PITPNM2: variants seen among roughly 807,000 people sequenced by gnomAD.
The protein encoded by PITPNM2 is membrane-associated phosphatidylinositol transfer protein 2.
PITPNM2 carries 35 observed loss-of-function variants against 132.2 expected under a neutral mutation model. The ratio of observed to expected loss-of-function variants is 0.26; its 90% CI spans 0.20 to 0.35. The LOEUF is 0.35. Ranked by LOEUF, PITPNM2 falls within the 10% of genes least tolerant of loss-of-function variation. The pLI is 1.00. For synonymous variants in PITPNM2, 738 were observed against 799.2 expected (o/e 0.92, Z 1.29); for missense variants, 1,332 against 1,912.0 (o/e 0.70, Z 5.66).
chr12:122,987,354 C>T lies in PITPNM2; in HGVS notation c.3340G>A (p.Gly1114Ser). 1.2e-6 allele frequency: 2 copies of T among 1,613,118 alleles called. No individual in the cohort carries two copies. The highest frequency in any genetic ancestry group is 8.5e-7 in the Non-Finnish European group (1 of 1,180,030). ...GTEFVVFSID[G>S]SFAASVSIMG... is the part of the protein sequence containing the mutation. ...ATGGACACGCTAGCGGCAAAGGAAC[C>T]GTCGATGCTGAAGACCACGAACTCT... is the stretch of plus-strand genomic sequence containing the variant. Residue 1114 changes from glycine (G) to serine (S), a missense_variant, in exon 23 of 26, where the codon GGT (glycine) becomes AGT (serine). Coordinates refer to ENST00000320201, the MANE Select transcript of PITPNM2 (RefSeq NM_020845.3).
At chr12:123,129,404 TA>T (rs1410177586) in intron 1 of PITPNM2, among the ~76,000 whole-genome samples, 2 of 151,698 alleles carry the variant, frequency 1.3e-5, no homozygotes, top group African/African-American at 2.4e-5. Context: ...CCATCTCTAC[TA>T]AAAATACAAA....
Position 122,988,806 on chromosome 12 carries a change from G to A in PITPNM2, c.2798C>T (p.Ala933Val). The change falls in exon 19 of 26, where the codon GCC (alanine) becomes GTC (valine). Residue 933 changes from alanine (A) to valine (V), a missense_variant. By Grantham distance (64) the Ala-to-Val change is moderately conservative. Coordinates refer to ENST00000320201, the MANE Select transcript of PITPNM2 (RefSeq NM_020845.3). ...GTGAGGCAGAGCCACCGTGGGGAAG[G>A]CCGTGAGGGCGTCAGGGCAGTACAG... ...YALYCPDALTAFPTVALPHLF... is the reference protein window; with the variant it reads ...YALYCPDALTVFPTVALPHLF... 1 of 1,585,532 alleles carries A rather than the reference G, an allele frequency of 6.3e-7. No homozygotes were observed. Among genetic ancestry groups the A allele is most frequent in the Non-Finnish European group, 8.6e-7 (1 of 1,166,032 alleles).
Position 122,988,334 on chromosome 12 carries a change from T to A in PITPNM2, c.2897A>T (p.Asn966Ile). 6.2e-7 allele frequency: 1 copy of A among 1,613,104 alleles called. No individual in the cohort carries two copies. Among genetic ancestry groups the A allele is most frequent in the South Asian group, 1.1e-5 (1 of 91,056 alleles). Residue 966 changes from asparagine (N) to isoleucine (I), a missense_variant, in exon 20 of 26, where the codon AAC (asparagine) becomes ATC (isoleucine). Physicochemically the swap from Asn to Ile is moderately radical, Grantham distance 149. This residue lies in a region of PITPNM2 where 251 missense variants were observed against 472.0 expected (regional missense o/e 0.53). Transcript: ENST00000320201. ...FLLRQVMRHDNSSILELDGKE... is the reference protein window; with the variant it reads ...FLLRQVMRHDISSILELDGKE... ...GCCATCCAGCTCCAAGATGCTGGAG[T>A]TGTCATGCCTCATGACCTGGGAAGA...
rs141354362 is a variant in PITPNM2, at chr12:123,062,837, A to C, written c.-95-28152T>G. 5.1e-3 allele frequency among the ~76,000 whole-genome samples: 774 copies of C among 152,306 alleles called. 3 individuals carry two copies. The highest frequency in any genetic ancestry group is 0.018 in the African/African-American group (748 of 41,566). On this transcript the variant is annotated intron_variant, in intron 2 of 25. Transcript: ENST00000320201. ...TGTGGATCTGCACATCAATGTTTTC[A>C]CCACATATCTGTGTGAACCAACTGC...
At chr12:123,049,077 C>T (rs897329590) in intron 2 of PITPNM2, among the ~76,000 whole-genome samples, 5 of 151,956 alleles carry the variant, frequency 3.3e-5, no homozygotes, top group Admixed American at 2.0e-4. Flanking sequence ...GAGGCTACAC[C>T]GAGCTATGAT....
rs549874317 is a variant in PITPNM2 at position 123,104,788 on chromosome 12, G to A, written c.-96+5597C>T. ...AGCCTGTTTGGTGGTCTCTTCACACGGACACACATGAAACTCCCTATTGCA... is the reference window on the plus strand; with the variant it reads ...AGCCTGTTTGGTGGTCTCTTCACACAGACACACATGAAACTCCCTATTGCA... On this transcript the variant is annotated intron_variant, in intron 2 of 25. Coordinates refer to ENST00000320201, the MANE Select transcript of PITPNM2 (RefSeq NM_020845.3). Among the ~76,000 whole-genome samples the A allele has an allele frequency of 1.5e-4, 23 of 152,084 alleles. No individual in the cohort carries two copies. In the South Asian group the frequency reaches 3.5e-3, roughly 23 times the overall value.
intron 2 of PITPNM2, among the ~76,000 whole-genome samples, chr12:123,074,070 G>A (rs1331106244): frequency 6.6e-6 from 1 of 152,226 alleles, no homozygotes; most frequent in Non-Finnish European, 1.5e-5. Context: ...ACTAATGAGT[G>A]AGGCAGAGGG....
chr12:123,035,589 C>T (rs569852817), intron 2 of PITPNM2, among the ~76,000 whole-genome samples: 103 of 152,030 alleles, frequency 6.8e-4, no homozygotes, highest in African/African-American at 2.3e-3. Flanking sequence ...TCGCTTGAAC[C>T]CAGGAGGCGG....
At chr12:123,140,222 C>CACACTG (rs909704073) in intron 1 of PITPNM2, among the ~76,000 whole-genome samples, 1 of 152,166 alleles carries the variant, frequency 6.6e-6, no homozygotes, top group African/African-American at 2.4e-5. Flanking sequence ...CAGAGGTTCC[C>CACACTG]ACACTGGGAC....
Position 123,000,751 on chromosome 12 carries a change from C to T in PITPNM2, c.1224+27G>A. 4 of 1,612,296 alleles carry T rather than the reference C, an allele frequency of 2.5e-6. No individual in the cohort carries two copies. The highest frequency in any genetic ancestry group is 3.4e-6 in the Non-Finnish European group (4 of 1,178,946). ...TGCCCCTCCCTTGGCGGCCATGCCCCTGTCCCTCTGACACCCGGGCACCCA... is the reference window on the plus strand; with the variant it reads ...TGCCCCTCCCTTGGCGGCCATGCCCTTGTCCCTCTGACACCCGGGCACCCA... On this transcript the variant is annotated intron_variant, in intron 10 of 25. Coordinates refer to ENST00000320201, the MANE Select transcript of PITPNM2 (RefSeq NM_020845.3). This position sits in a 1 kb window ranked among gnomAD's most constrained non-coding sequence, Gnocchi z 5.4.
chr12:123,131,863 G>A (rs1249598152), intron 1 of PITPNM2, among the ~76,000 whole-genome samples: 2 of 152,234 alleles, frequency 1.3e-5, no homozygotes, highest in Non-Finnish European at 2.9e-5. Flanking sequence ...CAGGAACTGT[G>A]CTAGGCCCTT....
At chr12:123,044,882 G>A (rs1399892418) in intron 2 of PITPNM2, among the ~76,000 whole-genome samples, 3 of 152,126 alleles carry the variant, frequency 2.0e-5, no homozygotes, top group African/African-American at 7.2e-5. Flanking sequence ...CAACTCCTGG[G>A]CTCAAGCGAT....
At chr12:123,049,722 A>G (rs1482320080) in intron 2 of PITPNM2, among the ~76,000 whole-genome samples, 2 of 152,224 alleles carry the variant, frequency 1.3e-5, no homozygotes, top group African/African-American at 4.8e-5. Context: ...CACAGGTGAC[A>G]GGAGGGCAGG....
rs1272589313 is a variant in PITPNM2, at chr12:122,994,851, G to A, written c.2183C>T (p.Pro728Leu). The A allele has an allele frequency of 1.9e-6, 3 of 1,611,800 alleles. No individual in the cohort carries two copies. Among genetic ancestry groups the A allele is most frequent in the Non-Finnish European group, 1.7e-6 (2 of 1,179,960 alleles). Residue 728 changes from proline (P) to leucine (L), a missense_variant, in exon 15 of 26, where the codon CCG becomes CTG. By Grantham distance (98) the Pro-to-Leu change is moderately conservative (BLOSUM62 -3). Around this residue, in one of 6 missense-constraint regions of PITPNM2, gnomAD observed 710 missense variants for 911.5 expected, o/e 0.78. Transcript: ENST00000320201. The surrounding 1 kb of genome is among the most constrained non-coding windows in gnomAD (Gnocchi z 5.4). ...CCTCAAGGCCAGGACCAGCCCCAGCGGGCACCCGAAGAGGAAGAGGTCGGT... is the reference window on the plus strand; with the variant it reads ...CCTCAAGGCCAGGACCAGCCCCAGCAGGCACCCGAAGAGGAAGAGGTCGGT... ...EITDLFLFGC[P>L]LGLVLALRKT... is the part of the protein sequence containing the mutation.
Position 123,014,064 on chromosome 12 carries a change from C to T in PITPNM2, c.79-22G>A, listed in dbSNP as rs2039319101. On this transcript the variant is annotated intron_variant, in intron 3 of 25. Transcript: ENST00000320201. ...TCTTCTGTGGGGACAAAAGCACCTG[C>T]AATGTGTGTGGGGCCAGAGCACTCT... The T allele has an allele frequency of 3.7e-6, 6 of 1,613,404 alleles. No individual in the cohort carries two copies. In the South Asian group the frequency reaches 4.4e-5, roughly 12 times the overall value.
In PITPNM2 at chr12:123,036,588, C is replaced by T. The variant is rs1353783474; in HGVS notation, c.-95-1903G>A. Among the ~76,000 whole-genome samples the T allele has an allele frequency of 1.3e-5, 2 of 152,116 alleles. No homozygotes were observed. The highest frequency in any genetic ancestry group is 2.9e-5 in the Non-Finnish European group (2 of 68,018). ...AGTCCAAGTGAAGCTCTTTTTTAGC[C>T]GATTAGAGCCTAGATACTTTATATA... is the stretch of plus-strand genomic sequence containing the variant. On this transcript the variant is annotated intron_variant, in intron 2 of 25. Coordinates refer to ENST00000320201, the MANE Select transcript of PITPNM2 (RefSeq NM_020845.3). This position sits in a 1 kb window ranked among gnomAD's most constrained non-coding sequence, Gnocchi z 4.1.
chr12:123,074,521 C>CA (rs774852384), intron 2 of PITPNM2, among the ~76,000 whole-genome samples: 30 of 151,872 alleles, frequency 2.0e-4, no homozygotes, highest in Non-Finnish European at 3.4e-4. Context: ...CATATGCACA[C>CA]AACACACACT....
intron 1 of PITPNM2, among the ~76,000 whole-genome samples, chr12:123,126,849 T>C (rs1385774408): frequency 3.3e-5 from 5 of 152,210 alleles, no homozygotes; most frequent in Non-Finnish European, 7.3e-5. Context: ...GGATAATGAC[T>C]GGGAAAATGT....
chr12:123,098,081 C>T (rs2042457748), intron 2 of PITPNM2, among the ~76,000 whole-genome samples: 1 of 152,218 alleles, frequency 6.6e-6, no homozygotes, highest in African/African-American at 2.4e-5. Context: ...GCAGCACAGC[C>T]TCACAGAAAG....
Sources: allele counts gnomAD v4.1 joint callset (sites outside exome capture counted in the v4.1 genomes callset), GRCh38; gene constraint gnomAD v4.1.1; regional missense constraint gnomAD v4.1.1; non-coding constraint Gnocchi (gnomAD v3.1); transcripts MANE v1.5; gene names NCBI Gene and HGNC (gene_info 2026-07-23, HGNC 2026-07-21).